The following CNTNAP2 variants were observed in gnomAD, a reference collection of about 807,000 sequenced individuals.
The protein encoded by CNTNAP2 is contactin-associated protein-like 2.
A neutral mutation model predicts 155.2 loss-of-function variants in CNTNAP2; 98 were observed. The ratio of observed to expected loss-of-function variants is 0.63; its 90% CI spans 0.54 to 0.75. The LOEUF is 0.75. CNTNAP2 is among the 30% of genes least tolerant of loss of function. CNTNAP2 has a pLI of 0.00. For synonymous variants in CNTNAP2, 651 were observed against 631.2 expected, an observed-to-expected ratio of 1.03 and a Z score of -0.47; for missense variants, 1,727 against 1,688.1, an observed-to-expected ratio of 1.02 and a Z score of -0.40.
chr7:146,907,931 G>A (rs1796175605), intron 3 of CNTNAP2, among the ~76,000 whole-genome samples: 2 of 152,096 alleles, frequency 1.3e-5, no homozygotes, highest in South Asian at 2.1e-4. Context: ...ACACACATAG[G>A]CTCAAAATAA....
chr7:146,533,580 G>T (rs952549496), intron 1 of CNTNAP2, among the ~76,000 whole-genome samples: 1 of 152,132 alleles, frequency 6.6e-6, no homozygotes, highest in African/African-American at 2.4e-5. Flanking sequence ...ACTACCCTTT[G>T]CTGGAACATG....
At chr7:146,377,606 C>T (rs905635940) in intron 1 of CNTNAP2, among the ~76,000 whole-genome samples, 2 of 152,124 alleles carry the variant, frequency 1.3e-5, no homozygotes, top group Non-Finnish European at 1.5e-5. Context: ...CAGTCACTAC[C>T]GGCCACTCTC....
At chr7:147,691,952 T>A (rs916541927) in intron 13 of CNTNAP2, among the ~76,000 whole-genome samples, 3 of 152,138 alleles carry the variant, frequency 2.0e-5, no homozygotes, top group Admixed American at 6.5e-5. Context: ...TAATGACATG[T>A]GTCTACTACT....
chr7:146,128,588 A>T (rs1012936808), intron 1 of CNTNAP2, among the ~76,000 whole-genome samples: 7 of 152,186 alleles, frequency 4.6e-5, no homozygotes, highest in African/African-American at 1.7e-4. Flanking sequence ...AATACCTTGA[A>T]GACAAACACA....
Position 147,441,846 on chromosome 7 carries a change from TCTCTCCCTCCCTCC to T in CNTNAP2, c.1671-44085_1671-44072del, listed in dbSNP as rs1383476312. Among the ~76,000 whole-genome samples, 36 of 117,044 alleles carry T rather than the reference TCTCTCCCTCCCTCC, an allele frequency of 3.1e-4. No homozygotes were observed. The Admixed American group carries it at 3.1e-3, about 10-fold the overall frequency. The allele number at this position is 117,044 out of a possible 152,430, so 76.8% of individuals were successfully genotyped here. A position where few individuals can be genotyped will look rare whatever the true frequency, so the allele number is the denominator to read the frequency against. ...CTCTCTCTCTCTCTCTCTCTCTCTC[TCTCTCCCTCCCTCC>T]CTCCCTCCCTCCCTCCCTCCGTCTC... On this transcript the variant is annotated intron_variant, in intron 10 of 23. Transcript: ENST00000361727.
At chr7:147,925,206 G>GGAAGGAAGGAAGGAAGGAAGGAAA (rs1168048569) in intron 14 of CNTNAP2, among the ~76,000 whole-genome samples, 7 of 122,790 alleles carry the variant, frequency 5.7e-5, no homozygotes, top group African/African-American at 2.1e-4. Context: ...AAGGAAGGAA[G>GGAAGGAAGGAAGGAAGGAAGGAAA]GAAAGAAGGA....
intron 3 of CNTNAP2, among the ~76,000 whole-genome samples, chr7:146,931,215 A>T (rs1229381928): frequency 2.6e-5 from 4 of 152,140 alleles, no homozygotes; most frequent in African/African-American, 7.2e-5. Flanking sequence ...ATGTAAAAGA[A>T]CAGAAATTAT....
intron 3 of CNTNAP2, among the ~76,000 whole-genome samples, chr7:146,947,343 T>C (rs1584741059): frequency 6.7e-6 from 1 of 149,574 alleles, no homozygotes; most frequent in African/African-American, 2.5e-5. Context: ...TTTAAGATAA[T>C]TGACAGCTTT....
Position 146,561,565 on chromosome 7 carries a change from G to A in CNTNAP2, c.98-212706G>A, listed in dbSNP as rs561777373. ...TCCTACCTACTTGGGAGGCTGAGGC[G>A]GGAGCGTCGCTTGACCTAGGGAGTT... On this transcript the variant is annotated intron_variant, in intron 1 of 23. Coordinates refer to ENST00000361727, the MANE Select transcript of CNTNAP2 (RefSeq NM_014141.6). Among the ~76,000 whole-genome samples, 42 of 152,166 alleles carry A rather than the reference G, an allele frequency of 2.8e-4. No individual in the cohort carries two copies. The East Asian group carries it at 7.0e-3, about 25-fold the overall frequency.
At chr7:146,361,356 C>T (rs1011784468) in intron 1 of CNTNAP2, among the ~76,000 whole-genome samples, 3 of 152,110 alleles carry the variant, frequency 2.0e-5, no homozygotes, top group Non-Finnish European at 2.9e-5. Context: ...TTTGGTCATA[C>T]CTGGGGGTTC....
intron 1 of CNTNAP2, among the ~76,000 whole-genome samples, chr7:146,430,998 G>GT (rs1796165775): frequency 6.6e-6 from 1 of 151,924 alleles, no homozygotes; most frequent in Non-Finnish European, 1.5e-5. Flanking sequence ...TCCTATATCT[G>GT]TTTTTCTAGA....
intron 1 of CNTNAP2, among the ~76,000 whole-genome samples, chr7:146,503,507 T>A (rs569418071): frequency 6.6e-6 from 1 of 152,368 alleles, no homozygotes; most frequent in Admixed American, 6.5e-5. Flanking sequence ...TAGATCAATG[T>A]CCTGAAACAT....
intron 12 of CNTNAP2, among the ~76,000 whole-genome samples, chr7:147,609,514 G>C (rs879888335): frequency 1.3e-5 from 2 of 152,098 alleles, no homozygotes; most frequent in Non-Finnish European, 2.9e-5. Flanking sequence ...CTGGGTGACA[G>C]AGCGAGACTC....
At chr7:147,768,591 G>A (rs1797419561) in intron 13 of CNTNAP2, among the ~76,000 whole-genome samples, 1 of 152,072 alleles carries the variant, frequency 6.6e-6, no homozygotes, top group East Asian at 1.9e-4. Context: ...CTTTAAAATA[G>A]CATTTCTTTA....
At chr7:146,543,199 A>T (rs1293375590) in intron 1 of CNTNAP2, among the ~76,000 whole-genome samples, 1 of 151,916 alleles carries the variant, frequency 6.6e-6, no homozygotes, top group Non-Finnish European at 1.5e-5. Context: ...TAAGTAAATA[A>T]TTTTTTAAGA....
chr7:147,045,464 G>A (rs910486946), intron 4 of CNTNAP2, among the ~76,000 whole-genome samples: 3 of 152,146 alleles, frequency 2.0e-5, no homozygotes, highest in African/African-American at 7.2e-5. Context: ...CTACAATAAA[G>A]GGGTCATGGA....
chr7:146,532,517 ACT>A (rs1563122346), intron 1 of CNTNAP2, among the ~76,000 whole-genome samples: 2 of 152,002 alleles, frequency 1.3e-5, no homozygotes, highest in African/African-American at 2.4e-5. Context: ...ATGTGATATG[ACT>A]CTCAGAATAT....
intron 13 of CNTNAP2, among the ~76,000 whole-genome samples, chr7:147,873,528 A>G (rs890417770): frequency 2.6e-5 from 4 of 152,274 alleles, no homozygotes; most frequent in Admixed American, 6.5e-5. Flanking sequence ...CAGGAACAGC[A>G]CAGGAAAAAC....
At chr7:147,334,831 T>C (rs577524416) in intron 9 of CNTNAP2, among the ~76,000 whole-genome samples, 1 of 152,298 alleles carries the variant, frequency 6.6e-6, no homozygotes, top group African/African-American at 2.4e-5. Flanking sequence ...CAGGTTAGTG[T>C]TGGTAAACAA....
Sources: allele counts gnomAD v4.1 joint callset (sites outside exome capture counted in the v4.1 genomes callset), GRCh38; gene constraint gnomAD v4.1.1; transcripts MANE v1.5; gene names NCBI Gene and HGNC (gene_info 2026-07-23, HGNC 2026-07-21).